The following VRK2 variants were observed in gnomAD, a reference collection of about 807,000 sequenced individuals.
VRK2 encodes VRK serine/threonine kinase 2, also known as serine/threonine-protein kinase VRK2.
Under a neutral mutation model 57.6 loss-of-function variants are expected in VRK2, and 60 were observed. The observed-to-expected ratio is 1.04, with a 90% CI of 0.85 to 1.29. The LOEUF (loss-of-function observed/expected upper bound fraction) is 1.29, where lower values mean the gene tolerates loss of function less well. Among genes scored for constraint, VRK2 ranks in the 50% most tolerant of loss-of-function variants. The pLI, the probability that VRK2 is intolerant of heterozygous loss-of-function variation, is 0.00. For missense variants in VRK2, 705 were observed against 588.1 expected, an observed-to-expected ratio of 1.20 and a Z score of -2.06; for synonymous variants, 231 against 199.2, an observed-to-expected ratio of 1.16 and a Z score of -1.35.
chr2:57,965,327 T>C (rs556073232), intron 1 of VRK2, among the ~76,000 whole-genome samples: 1 of 152,306 alleles, frequency 6.6e-6, no homozygotes, highest in East Asian at 1.9e-4. Flanking sequence ...TCTGTTATAA[T>C]AACACATTCA....
intron 2 of VRK2, among the ~76,000 whole-genome samples, chr2:58,064,372 C>G (rs1359601042): frequency 6.6e-6 from 1 of 152,012 alleles, no homozygotes; most frequent in African/African-American, 2.4e-5. Flanking sequence ...TCTTCAGCAC[C>G]CACTACCCTG....
intron 7 of VRK2, among the ~76,000 whole-genome samples, chr2:58,116,296 A>G (rs1000107471): frequency 4.0e-5 from 6 of 151,300 alleles, no homozygotes; most frequent in Non-Finnish European, 8.8e-5. Flanking sequence ...GGAGGACGCA[A>G]AGGAGGCTTT....
At position 58,094,024 on chromosome 2, in the gene VRK2, A is replaced by C. The variant is rs368440807; in HGVS notation, c.543+4301A>C. 7.2e-5 allele frequency among the ~76,000 whole-genome samples: 11 copies of C among 152,176 alleles called. No individual in the cohort carries two copies. In the East Asian group the frequency reaches 1.7e-3, roughly 24 times the overall value. On this transcript the variant is annotated intron_variant, in intron 7 of 12. Transcript: ENST00000340157. The stretch of plus-strand genomic sequence containing the variant: ...GCTCTGTTCTGTTCCATTGGTCTAT[A>C]TCTCTGTTTTGGTACCAGTACCATG...
At chr2:58,060,609 G>C (rs146714720) in intron 2 of VRK2, among the ~76,000 whole-genome samples, 129 of 151,864 alleles carry the variant, frequency 8.5e-4, no homozygotes, top group African/African-American at 2.8e-3. Context: ...TCTTTGGATA[G>C]TTAAGAATAT....
rs191538346 is a variant in VRK2, at chr2:58,079,593, A to G, written c.137-4496A>G. ...ATTTATTTACTTAAATCAGTAGACA[A>G]TGGATTTTTTTTCCTATGGGTTACA... is the stretch of plus-strand genomic sequence containing the variant. On this transcript the variant is annotated intron_variant, in intron 2 of 12. Coordinates refer to ENST00000340157, the MANE Select transcript of VRK2 (RefSeq NM_006296.7). 3.1e-3 allele frequency among the ~76,000 whole-genome samples: 478 copies of G among 152,176 alleles called. 4 individuals carry two copies. The highest frequency in any genetic ancestry group is 7.3e-3 in the South Asian group (35 of 4,820).
intron 8 of VRK2, among the ~76,000 whole-genome samples, chr2:58,123,853 G>GAA (rs74271857): frequency 7.4e-6 from 1 of 134,956 alleles, no homozygotes; most frequent in Admixed American, 7.5e-5. Flanking sequence ...AGACCCCTCA[G>GAA]AAAAAAAAAA....
At chr2:58,042,162 C>G (rs752896219), upstream of VRK2, among the ~76,000 whole-genome samples, 3 of 152,216 alleles carry the variant, frequency 2.0e-5, no homozygotes, top group African/African-American at 4.8e-5. Context: ...ATTGATATGA[C>G]ATTTTAAATT....
intron 2 of VRK2, among the ~76,000 whole-genome samples, chr2:58,067,658 A>G (rs1321907467): frequency 1.3e-5 from 2 of 152,012 alleles, no homozygotes; most frequent in South Asian, 2.1e-4. Flanking sequence ...TGCTTAGGCT[A>G]TATCTCACAG....
chr2:58,059,204 T>G (rs1358998760), intron 2 of VRK2, among the ~76,000 whole-genome samples: 1 of 151,996 alleles, frequency 6.6e-6, no homozygotes, highest in Non-Finnish European at 1.5e-5. Flanking sequence ...GTACCATACC[T>G]CAAACAATAT....
At chr2:57,982,327 G>C (rs1158161563) in intron 1 of VRK2, among the ~76,000 whole-genome samples, 1 of 152,184 alleles carries the variant, frequency 6.6e-6, no homozygotes, top group Admixed American at 6.5e-5. Context: ...AAAGTGCTCT[G>C]GGCGGAGGGT....
chr2:58,039,894 T>C (rs866895679), intron 3 of VRK2, among the ~76,000 whole-genome samples: 1 of 151,668 alleles, frequency 6.6e-6, no homozygotes, highest in African/African-American at 2.4e-5. Flanking sequence ...ATGTATTTTA[T>C]TTTTATTTAT....
In VRK2 at chr2:57,991,425, G is replaced by C. The variant is rs144384394; in HGVS notation, c.-438-34240G>C. On this transcript the variant is annotated intron_variant, in intron 1 of 15. Coordinates refer to the VRK2 transcript ENST00000417641. ...GTGGAGGCACTGTCGTGAAGAATCTGGATATAGTTACCCAGGGAAAAGCAT... is the reference window on the plus strand; with the variant it reads ...GTGGAGGCACTGTCGTGAAGAATCTCGATATAGTTACCCAGGGAAAAGCAT... Among the ~76,000 whole-genome samples, 135 of 151,882 alleles carry C rather than the reference G, an allele frequency of 8.9e-4. 1 individual carries two copies. The highest frequency in any genetic ancestry group is 3.2e-3 in the African/African-American group (131 of 41,448).
chr2:58,159,878 C>A, downstream of VRK2: 2 of 1,592,458 alleles, frequency 1.3e-6, no homozygotes, highest in South Asian at 2.3e-5. Context: ...GAAATAGTGT[C>A]ATAGAATAGT....
chr2:57,913,587 TATATGTGATATTATATTGCACCCAA>T (rs1206113680), intron 1 of VRK2, among the ~76,000 whole-genome samples: 2 of 152,140 alleles, frequency 1.3e-5, no homozygotes, highest in Non-Finnish European at 2.9e-5. Flanking sequence ...ATTTTGCTCT[TATATGTGATATTATATTGCACCCAA>T]ATATTTCTAA....
intron 1 of VRK2, among the ~76,000 whole-genome samples, chr2:58,023,543 GA>G (rs1398318313): frequency 6.6e-6 from 1 of 151,886 alleles, no homozygotes; most frequent in Non-Finnish European, 1.5e-5. Context: ...ATCTTTGAAG[GA>G]AAAAAATAGT....
At chr2:58,084,390 A>C (rs746703482) in intron 3 of VRK2, among the ~76,000 whole-genome samples, 2 of 150,394 alleles carry the variant, frequency 1.3e-5, no homozygotes, top group Non-Finnish European at 3.0e-5. Context: ...CACCCTCTCC[A>C]CCTCTCTAAT....
At chr2:58,021,354 T>C (rs1673750409) in intron 1 of VRK2, among the ~76,000 whole-genome samples, 1 of 152,210 alleles carries the variant, frequency 6.6e-6, no homozygotes, top group Non-Finnish European at 1.5e-5. Context: ...AAGAATGCAC[T>C]GGGCTTACAT....
At chr2:57,990,133 G>C (rs1479472211) in intron 1 of VRK2, among the ~76,000 whole-genome samples, 1 of 152,164 alleles carries the variant, frequency 6.6e-6, no homozygotes. Flanking sequence ...CTCTGGCATA[G>C]TCATGTCACA....
At chr2:58,157,156 TTGACTAA>T (rs1456672035) in intron 12 of VRK2, among the ~76,000 whole-genome samples, 2 of 152,218 alleles carry the variant, frequency 1.3e-5, no homozygotes, top group African/African-American at 4.8e-5. Flanking sequence ...TTCACATATT[TTGACTAA>T]TTTTGTTTTC....
Sources: allele counts gnomAD v4.1 joint callset (sites outside exome capture counted in the v4.1 genomes callset), GRCh38; gene constraint gnomAD v4.1.1; transcripts MANE v1.5; gene names NCBI Gene and HGNC (gene_info 2026-07-23, HGNC 2026-07-21).